SASH3: variants seen among roughly 807,000 people sequenced by gnomAD.
The protein encoded by SASH3 is SAM and SH3 domain containing 3.
A neutral mutation model predicts 26.1 loss-of-function variants in SASH3; 7 were observed. That is an observed-to-expected ratio of 0.27 (90% CI 0.15 to 0.50). SASH3 has a LOEUF of 0.50. Ranked by LOEUF, SASH3 falls within the 20% of genes least tolerant of loss-of-function variation. The pLI, the probability that SASH3 is intolerant of heterozygous loss-of-function variation, is 0.98. For missense variants in SASH3, 231 were observed against 318.3 expected (o/e 0.73, Z 2.09); for synonymous variants, 138 against 136.8 (o/e 1.01, Z -0.06).
chrX:129,788,840 C>T (rs191664638), intron 3 of SASH3, among the ~76,000 whole-genome samples: 159 of 110,823 alleles, frequency 1.4e-3, no homozygotes, highest in Non-Finnish European at 2.5e-3. Flanking sequence ...GACATGGTGG[C>T]TCCTGCCTAT....
Position 129,792,696 on chromosome X carries a change from G to T in SASH3, c.661G>T (p.Val221Leu). The T allele has an allele frequency of 8.3e-7, 1 of 1,211,513 alleles. No individual in the cohort carries two copies. Among genetic ancestry groups the T allele is most frequent in the East Asian group, 3.0e-5 (1 of 33,844 alleles). Residue 221 changes from valine to leucine, a missense_variant, in exon 6 of 8, where the codon GTG becomes TTG. Physicochemically the swap from Val to Leu is conservative, Grantham distance 32 (BLOSUM62 1). Coordinates refer to ENST00000356892, the MANE Select transcript of SASH3 (RefSeq NM_018990.4). Reference protein sequence around the residue: ...GTWLGLLNGKVGSFKFIYVDV... With the variant: ...GTWLGLLNGKLGSFKFIYVDV... ...GTGGCTGGGCCTACTCAATGGCAAG[G>T]TGGGCTCTTTCAAATTCATCTATGT...
Position 129,794,974 on chromosome X carries a change from C to G in SASH3, c.*1142C>G, listed in dbSNP as rs1215387374. ...TCTGTGAGTGGGGGCCTCCCTTGACCCCAGTACGAAGTCTATGCCCTGAAT... is the reference window on the plus strand; with the variant it reads ...TCTGTGAGTGGGGGCCTCCCTTGACGCCAGTACGAAGTCTATGCCCTGAAT... On this transcript the variant is annotated 3_prime_UTR_variant, in exon 8 of 8. Coordinates refer to ENST00000356892, the MANE Select transcript of SASH3 (RefSeq NM_018990.4). 2 of 111,292 alleles carry G rather than the reference C, an allele frequency of 1.8e-5. No homozygotes were observed. Among genetic ancestry groups the G allele is most frequent in the Non-Finnish European group, 3.8e-5 (2 of 53,027 alleles). The allele number at this position is 111,292 out of a possible 1,213,427, so 9.2% of individuals were successfully genotyped here.
intron 1 of SASH3, among the ~76,000 whole-genome samples, chrX:129,782,837 C>T (rs927783361): frequency 1.1e-4 from 12 of 111,810 alleles, no homozygotes; most frequent in East Asian, 2.8e-4. Flanking sequence ...TCCCATGGAT[C>T]GTGAAGGATT....
intron 3 of SASH3, among the ~76,000 whole-genome samples, chrX:129,789,170 A>AGAAAGAAAGAAAGAAAGAAAG (rs10683625): frequency 2.1e-5 from 1 of 48,291 alleles, no homozygotes; most frequent in African/African-American, 1.4e-4. Context: ...AGAAAGAGAA[A>AGAAAGAAAGAAAGAAAGAAAG]AAAAAAAAAA....
At chrX:129,782,838 G>T (rs992204738) in intron 1 of SASH3, among the ~76,000 whole-genome samples, 4 of 111,928 alleles carry the variant, frequency 3.6e-5, no homozygotes, top group African/African-American at 9.7e-5. Context: ...CCCATGGATC[G>T]TGAAGGATTG....
rs752198323 is a variant in SASH3, at chrX:129,792,477, G to C, written c.591+1G>C. ...TGACCACGACTCGCTGAAACTGCAGGTAAGATCAGCATCCGGGCTTCTCTG... is the reference window on the plus strand; with the variant it reads ...TGACCACGACTCGCTGAAACTGCAGCTAAGATCAGCATCCGGGCTTCTCTG... On this transcript the variant is annotated splice_donor_variant, in intron 5 of 7. Coordinates refer to ENST00000356892, the MANE Select transcript of SASH3 (RefSeq NM_018990.4). LOFTEE classifies it high-confidence loss of function. 1 of 1,211,959 alleles carries C rather than the reference G, an allele frequency of 8.3e-7. No homozygotes were observed. Among genetic ancestry groups the C allele is most frequent in the Non-Finnish European group, 1.1e-6 (1 of 895,486 alleles).
At chrX:129,782,458 C>G (rs1178177736) in intron 1 of SASH3, among the ~76,000 whole-genome samples, 2 of 112,275 alleles carry the variant, frequency 1.8e-5, no homozygotes, top group African/African-American at 6.5e-5. Flanking sequence ...CTGTGCATCT[C>G]TTACCTTGTT....
intron 1 of SASH3, among the ~76,000 whole-genome samples, chrX:129,783,187 T>G (rs983151183): frequency 9.0e-6 from 1 of 110,953 alleles, no homozygotes; most frequent in Non-Finnish European, 1.9e-5. Context: ...CCTTTTCTAC[T>G]CCCCCACCCA....
intron 3 of SASH3, among the ~76,000 whole-genome samples, chrX:129,789,112 AGAAAG>A (rs1556001563): frequency 4.6e-5 from 2 of 43,601 alleles, no homozygotes; most frequent in Admixed American, 3.1e-4. Flanking sequence ...AAAAAAAAAA[AGAAAG>A]AAAGAAAGAA....
intron 3 of SASH3, 147 bp downstream of exon 3, chrX:129,788,724 T>G (rs1927156081): frequency 3.4e-6 from 2 of 588,462 alleles, no homozygotes; most frequent in Non-Finnish European, 5.2e-6. Flanking sequence ...GAGGGGAAAC[T>G]CACTTGCAGC....
In SASH3 at chrX:129,789,170, A is replaced by AG. The variant is rs10683625; in HGVS notation, c.300+593_300+594insG. ...GAAAGAAAGAAAGAAAGAAAGAGAA[A>AG]AAAAAAAAAAAGAAAAGTCTGGGCA... On this transcript the variant is annotated intron_variant, in intron 3 of 7. Coordinates refer to ENST00000356892, the MANE Select transcript of SASH3 (RefSeq NM_018990.4). Among the ~76,000 whole-genome samples, 266 of 48,130 alleles carry AG rather than the reference A, an allele frequency of 5.5e-3. 3 individuals carry two copies. Among genetic ancestry groups the AG allele is most frequent in the African/African-American group, 0.035 (244 of 6,891 alleles). The allele number at this position is 48,130 out of a possible 115,157, so 41.8% of individuals were successfully genotyped here.
rs764357775 is a variant in SASH3 at position 129,794,660 on chromosome X, C to A, written c.*828C>A. 4.5e-5 allele frequency: 5 copies of A among 111,614 alleles called. No individual in the cohort carries two copies. In the South Asian group the frequency reaches 1.5e-3, roughly 34 times the overall value. 9.2% of individuals were successfully genotyped at this position (111,614 alleles called of 1,213,427 possible). On this transcript the variant is annotated 3_prime_UTR_variant, in exon 8 of 8. Coordinates refer to ENST00000356892, the MANE Select transcript of SASH3 (RefSeq NM_018990.4). ...TGTAATTCAGGACAAGCTGCAACTT[C>A]CCCCAGCTTAACACAATGCCCATAC...
At chrX:129,782,742 A>G (rs1286393951) in intron 1 of SASH3, among the ~76,000 whole-genome samples, 1 of 111,990 alleles carries the variant, frequency 8.9e-6, no homozygotes, top group Admixed American at 9.4e-5. Flanking sequence ...GCAGACCCAG[A>G]TAGCTGTGGA....
chrX:129,780,291 C>T lies in SASH3; in HGVS notation c.57+137C>T, dbSNP rs139502613. The T allele has an allele frequency of 2.6e-3, 1,321 of 513,101 alleles. 6 individuals carry two copies. In the African/African-American group the frequency reaches 0.027, roughly 11 times the overall value. 42.3% of individuals were successfully genotyped at this position (513,101 alleles called of 1,213,427 possible). On this transcript the variant is annotated intron_variant, in intron 1 of 7. Coordinates refer to ENST00000356892, the MANE Select transcript of SASH3 (RefSeq NM_018990.4). The stretch of plus-strand genomic sequence containing the variant: ...TGAGGGCCACTCACCTAGAAGGCAA[C>T]GGGACAGGGACCCAAAGGTTAACAG...
chrX:129,789,157 GAAAGAAAGAGAAAAAAA>G (rs1569312679), intron 3 of SASH3, among the ~76,000 whole-genome samples: 4 of 64,200 alleles, frequency 6.2e-5, no homozygotes, highest in African/African-American at 3.4e-4. Context: ...AAGAAAGAAA[GAAAGAAAGAGAAAAAAA>G]AAAAAAAGAA....
chrX:129,790,607 T>C (rs1003651994), intron 3 of SASH3, among the ~76,000 whole-genome samples: 7 of 111,363 alleles, frequency 6.3e-5, no homozygotes, highest in Non-Finnish European at 1.3e-4. Flanking sequence ...TCTAGCGACA[T>C]TGTCTGCCCA....
chrX:129,791,039 G>A lies in SASH3; in HGVS notation c.400G>A (p.Glu134Lys), dbSNP rs140642583. ...EKMALAFSEQ[E>K]EHELPVLSRQ... is the part of the protein sequence containing the mutation. Reference sequence around the variant, plus strand: ...GATGGCGCTGGCCTTTTCTGAGCAAGAGGAGCATGAACTTCCGGTGCTCAG... The same window carrying A: ...GATGGCGCTGGCCTTTTCTGAGCAAAAGGAGCATGAACTTCCGGTGCTCAG... The change falls in exon 4 of 8, where the codon GAG becomes AAG. Residue 134 changes from glutamate to lysine, a missense_variant. Coordinates refer to ENST00000356892, the MANE Select transcript of SASH3 (RefSeq NM_018990.4). 185 of 1,210,016 alleles carry A rather than the reference G, an allele frequency of 1.5e-4. No homozygotes were observed. The highest frequency in any genetic ancestry group is 2.3e-4 in the Middle Eastern group (1 of 4,355).
At chrX:129,781,210 C>G (rs909993591) in intron 1 of SASH3, among the ~76,000 whole-genome samples, 2 of 112,118 alleles carry the variant, frequency 1.8e-5, no homozygotes, top group Admixed American at 1.9e-4. Context: ...ATGGTGGATC[C>G]CCCTTGTCAG....
chrX:129,788,348 T>C, intron 2 of SASH3, 83 bp from the exon 3 acceptor site: 4 of 1,060,782 alleles, frequency 3.8e-6, no homozygotes, highest in Non-Finnish European at 5.2e-6. Context: ...GCTTCTGCTG[T>C]GACCCCAAGG....
Sources: allele counts gnomAD v4.1 joint callset (sites outside exome capture counted in the v4.1 genomes callset), GRCh38; gene constraint gnomAD v4.1.1; transcripts MANE v1.5; gene names NCBI Gene and HGNC (gene_info 2026-07-23, HGNC 2026-07-21).